ERBB4: variants seen among roughly 807,000 people sequenced by gnomAD.
The protein encoded by ERBB4 is erb-b2 receptor tyrosine kinase 4, also known as receptor tyrosine-protein kinase erbB-4.
Under a neutral mutation model 158.0 loss-of-function variants are expected in ERBB4, and 42 were observed. The observed-to-expected ratio is 0.27, with a 90% CI of 0.21 to 0.34. The LOEUF is 0.34. Ranked by LOEUF, ERBB4 falls within the 10% of genes least tolerant of loss-of-function variation. The pLI is 1.00. For synonymous variants in ERBB4, 583 were observed against 558.7 expected, an observed-to-expected ratio of 1.04 and a Z score of -0.61; for missense variants, 1,333 against 1,624.1, an observed-to-expected ratio of 0.82 and a Z score of 3.08.
chr2:211,575,385 A>T (rs1314981971), intron 19 of ERBB4, among the ~76,000 whole-genome samples: 1 of 152,236 alleles, frequency 6.6e-6, no homozygotes, highest in Non-Finnish European at 1.5e-5. Context: ...TTTCAGGAGG[A>T]ACTAAGACTA....
At chr2:212,190,394 G>T (rs1293208029) in intron 1 of ERBB4, among the ~76,000 whole-genome samples, 1 of 152,026 alleles carries the variant, frequency 6.6e-6, no homozygotes, top group Non-Finnish European at 1.5e-5. Flanking sequence ...AAAATTAGCC[G>T]GGCGTGGTGG....
chr2:212,507,210 GAA>G (rs537942260), intron 1 of ERBB4, among the ~76,000 whole-genome samples: 1 of 137,652 alleles, frequency 7.3e-6, no homozygotes, highest in African/African-American at 2.7e-5. Context: ...CTATTGCTCA[GAA>G]AAAAAAAAAA....
chr2:211,907,916 T>C (rs1187453032), intron 3 of ERBB4, among the ~76,000 whole-genome samples: 2 of 151,824 alleles, frequency 1.3e-5, no homozygotes, highest in Non-Finnish European at 2.9e-5. Context: ...CAAAAAGTTA[T>C]ACAGCATGTT....
At chr2:211,971,151 T>C (rs879143087) in intron 2 of ERBB4, among the ~76,000 whole-genome samples, 1 of 152,322 alleles carries the variant, frequency 6.6e-6, no homozygotes, top group African/African-American at 2.4e-5. Context: ...TTTGGTCATA[T>C]ATGAAATTCT....
intron 20 of ERBB4, among the ~76,000 whole-genome samples, chr2:211,539,239 T>C (rs1002638043): frequency 7.9e-5 from 12 of 151,956 alleles, no homozygotes; most frequent in East Asian, 1.9e-4. Context: ...CCAAGTTATA[T>C]TGGTATATTA....
intron 1 of ERBB4, among the ~76,000 whole-genome samples, chr2:212,280,678 T>A (rs1041060479): frequency 1.3e-5 from 2 of 151,808 alleles, no homozygotes; most frequent in South Asian, 2.1e-4. Context: ...GATAACTTTA[T>A]TCACACTGAA....
intron 25 of ERBB4, among the ~76,000 whole-genome samples, chr2:211,413,455 T>C (rs780177283): frequency 6.7e-6 from 1 of 149,674 alleles, no homozygotes; most frequent in Non-Finnish European, 1.5e-5. Flanking sequence ...AACAAACAAA[T>C]AAACAAAAAC....
In ERBB4 at chr2:211,960,375, C is replaced by T. The variant is rs148616228; in HGVS notation, c.235-12759G>A. On this transcript the variant is annotated intron_variant, in intron 2 of 27. Transcript: ENST00000342788. The stretch of plus-strand genomic sequence containing the variant: ...AATCCATAAAATACATATAAACCTA[C>T]GAGTTCATAATAATATTCAATGACA... 4.9e-4 allele frequency among the ~76,000 whole-genome samples: 74 copies of T among 152,110 alleles called. No individual in the cohort carries two copies. In the East Asian group the frequency reaches 0.013, roughly 26 times the overall value.
At chr2:211,471,591 G>T (rs1489678258) in intron 20 of ERBB4, among the ~76,000 whole-genome samples, 1 of 152,130 alleles carries the variant, frequency 6.6e-6, no homozygotes, top group East Asian at 1.9e-4. Flanking sequence ...CAATCTCACA[G>T]TTAAGAGGTG....
At chr2:211,560,822 C>T (rs1214848505) in intron 20 of ERBB4, among the ~76,000 whole-genome samples, 5 of 152,068 alleles carry the variant, frequency 3.3e-5, no homozygotes, top group Admixed American at 3.3e-4. Flanking sequence ...CTGAGCTTTT[C>T]TGTCAAGTAA....
Position 211,375,823 on chromosome 2 carries a change from G to A in ERBB4, c.*7792C>T. Reference sequence around the variant, plus strand: ...AGAACAGTTTTCAAATTGTTCAGCTGGGATGATCAGTATGGAATGAGGCAA... The same window carrying A: ...AGAACAGTTTTCAAATTGTTCAGCTAGGATGATCAGTATGGAATGAGGCAA... On this transcript the variant is annotated 3_prime_UTR_variant, in exon 28 of 28. Transcript: ENST00000342788. 2 of 232,616 alleles carry A rather than the reference G, an allele frequency of 8.6e-6. No homozygotes were observed. Among genetic ancestry groups the A allele is most frequent in the Non-Finnish European group, 1.7e-5 (2 of 117,426 alleles). 14.4% of individuals were successfully genotyped at this position (232,616 alleles called of 1,614,324 possible). A position where few individuals can be genotyped will look rare whatever the true frequency, so the allele number is the denominator to read the frequency against.
chr2:212,302,682 CTCCAAAAGGA>C (rs2086665517), intron 1 of ERBB4, among the ~76,000 whole-genome samples: 1 of 151,336 alleles, frequency 6.6e-6, no homozygotes, highest in Non-Finnish European at 1.5e-5. Context: ...TCTTGTGAAC[CTCCAAAAGGA>C]TAAAATGTTA....
chr2:211,618,535 C>T (rs2125845773), intron 19 of ERBB4, among the ~76,000 whole-genome samples: 1 of 152,090 alleles, frequency 6.6e-6, no homozygotes, highest in East Asian at 1.9e-4. Flanking sequence ...TTACTGATAC[C>T]TACTCAAGCT....
chr2:211,486,991 T>G (rs1175665820), intron 20 of ERBB4, among the ~76,000 whole-genome samples: 3 of 151,634 alleles, frequency 2.0e-5, no homozygotes, highest in Admixed American at 2.0e-4. Context: ...GTTTTTTTCT[T>G]TTTTTTGTAG....
At chr2:212,118,489 T>G (rs1388742058) in intron 2 of ERBB4, among the ~76,000 whole-genome samples, 1 of 152,158 alleles carries the variant, frequency 6.6e-6, no homozygotes, top group East Asian at 1.9e-4. Context: ...GTATAGATCC[T>G]TTACTAGCAG....
At chr2:212,379,145 T>C (rs1402607211) in intron 1 of ERBB4, among the ~76,000 whole-genome samples, 2 of 151,802 alleles carry the variant, frequency 1.3e-5, no homozygotes, top group East Asian at 3.9e-4. Flanking sequence ...TCCAGCAATA[T>C]ATTTTATTTG....
intron 20 of ERBB4, among the ~76,000 whole-genome samples, chr2:211,459,951 G>A (rs1035821075): frequency 2.6e-5 from 4 of 152,038 alleles, no homozygotes; most frequent in Non-Finnish European, 5.9e-5. Context: ...AAGCTTAGAG[G>A]AGAGTAGCAA....
intron 5 of ERBB4, among the ~76,000 whole-genome samples, chr2:211,743,268 CT>C: frequency 6.6e-6 from 1 of 152,186 alleles, no homozygotes; most frequent in East Asian, 1.9e-4. Flanking sequence ...ATTATGATGA[CT>C]TTAATGCAAA....
intron 4 of ERBB4, among the ~76,000 whole-genome samples, chr2:211,761,370 A>C (rs1193108479): frequency 6.6e-6 from 1 of 152,196 alleles, no homozygotes; most frequent in Non-Finnish European, 1.5e-5. Context: ...TCCACAGCAA[A>C]GAAGGATACG....
Sources: allele counts gnomAD v4.1 joint callset (sites outside exome capture counted in the v4.1 genomes callset), GRCh38; gene constraint gnomAD v4.1.1; transcripts MANE v1.5; gene names NCBI Gene and HGNC (gene_info 2026-07-23, HGNC 2026-07-21).